HIVEP3: variants seen among roughly 807,000 people sequenced by gnomAD.
HIVEP3 encodes transcription factor HIVEP3.
In HIVEP3, 49 loss-of-function variants were observed where a neutral mutation model predicts 152.8. The observed-to-expected ratio is 0.32, with a 90% CI of 0.26 to 0.41. The LOEUF is 0.41. HIVEP3 is among the 10% of genes least tolerant of loss of function. HIVEP3 has a pLI of 1.00. For missense variants in HIVEP3, 2,790 were observed against 3,103.3 expected (o/e 0.90, Z 2.40); for synonymous variants, 1,269 against 1,289.0 (o/e 0.98, Z 0.33).
In HIVEP3 at chr1:41,972,227, C is replaced by T. The variant is rs150627921; in HGVS notation, n.120-53703G>A. 1.4e-3 allele frequency among the ~76,000 whole-genome samples: 220 copies of T among 152,306 alleles called. 1 individual carries two copies. The highest frequency in any genetic ancestry group is 0.014 in the Middle Eastern group (4 of 294). ...AGCCCAATGACCATTTCATCTATGA[C>T]GTCTTTCCACCTCCCCTCTGCTATA... On this transcript the variant is annotated intron_variant and non_coding_transcript_variant, in intron 1 of 3. Coordinates refer to the HIVEP3 transcript ENST00000489103.
intron 2 of HIVEP3, among the ~76,000 whole-genome samples, chr1:41,682,624 C>T (rs192157138): frequency 8.7e-4 from 133 of 152,140 alleles, no homozygotes; most frequent in Admixed American, 1.4e-3. Context: ...AAACTGACGC[C>T]CAGCCGGGGA....
intron 2 of HIVEP3, among the ~76,000 whole-genome samples, chr1:41,686,257 A>G (rs1177888415): frequency 3.3e-5 from 5 of 152,028 alleles, no homozygotes; most frequent in Admixed American, 2.0e-4. Context: ...TATTTTTAGT[A>G]GAGATGGGGT....
At chr1:41,520,144 T>A (rs1190800944) in intron 6 of HIVEP3, among the ~76,000 whole-genome samples, 1 of 152,196 alleles carries the variant, frequency 6.6e-6, no homozygotes, top group African/African-American at 2.4e-5. Flanking sequence ...ATGGATGAAC[T>A]GAAGGGTGCT....
chr1:41,964,591 G>A (rs902701426), intron 1 of HIVEP3, among the ~76,000 whole-genome samples: 4 of 152,192 alleles, frequency 2.6e-5, no homozygotes, highest in African/African-American at 7.2e-5. Context: ...CACTGGTGCC[G>A]GGGAGACTGG....
chr1:41,885,204 C>T (rs1269734244), intron 1 of HIVEP3, among the ~76,000 whole-genome samples: 1 of 152,120 alleles, frequency 6.6e-6, no homozygotes, highest in Non-Finnish European at 1.5e-5. Context: ...GAAAAAATAC[C>T]AAGTTCTGAC....
chr1:41,763,150 C>G, intron 1 of HIVEP3, among the ~76,000 whole-genome samples: 1 of 152,218 alleles, frequency 6.6e-6, no homozygotes, highest in East Asian at 1.9e-4. Flanking sequence ...ACAAAGGGGT[C>G]AGAGACCCTC....
At chr1:41,896,107 C>T (rs1189356774) in intron 1 of HIVEP3, among the ~76,000 whole-genome samples, 1 of 152,168 alleles carries the variant, frequency 6.6e-6, no homozygotes, top group African/African-American at 2.4e-5. Context: ...AGCCAGGCTT[C>T]CTAGGTGCGA....
intron 1 of HIVEP3, among the ~76,000 whole-genome samples, chr1:41,798,364 C>T: frequency 6.6e-6 from 1 of 151,872 alleles, no homozygotes; most frequent in Non-Finnish European, 1.5e-5. Flanking sequence ...TTGTCAGCAC[C>T]ATTGAGTTCC....
chr1:41,834,045 T>C (rs1447690500), intron 1 of HIVEP3, among the ~76,000 whole-genome samples: 1 of 152,104 alleles, frequency 6.6e-6, no homozygotes, highest in Non-Finnish European at 1.5e-5. Context: ...ATCCCCAGCA[T>C]GGTCACAGAA....
In HIVEP3 at chr1:41,607,690, G is replaced by A. The variant is rs947470275; in HGVS notation, c.-522+21059C>T. Among the ~76,000 whole-genome samples, 4 of 152,088 alleles carry A rather than the reference G, an allele frequency of 2.6e-5. No individual in the cohort carries two copies. The East Asian group carries it at 7.7e-4, about 29-fold the overall frequency. ...TTGGTTATCCAATATATTTATGAAT[G>A]AGGGATTATGTTGTAAAGTTAGGAT... is the stretch of plus-strand genomic sequence containing the variant. On this transcript the variant is annotated intron_variant, in intron 3 of 8. Coordinates refer to ENST00000372583, the MANE Select transcript of HIVEP3 (RefSeq NM_024503.5).
intron 5 of HIVEP3, among the ~76,000 whole-genome samples, chr1:41,572,902 A>G (rs752530110): frequency 5.6e-4 from 85 of 152,356 alleles, no homozygotes; most frequent in Non-Finnish European, 1.0e-3. Flanking sequence ...CATGAGCACT[A>G]TATCTACCAA....
At chr1:42,003,912 G>A (rs868022641) in intron 1 of HIVEP3, among the ~76,000 whole-genome samples, 5 of 152,088 alleles carry the variant, frequency 3.3e-5, no homozygotes, top group South Asian at 2.1e-4. Flanking sequence ...TAAATGTGTC[G>A]TTTTTCTGTC....
chr1:41,843,014 A>T (rs1643333873), intron 1 of HIVEP3, among the ~76,000 whole-genome samples: 1 of 152,182 alleles, frequency 6.6e-6, no homozygotes, highest in Non-Finnish European at 1.5e-5. Context: ...TGTACCCTGG[A>T]AATTGTTGCT....
At chr1:41,711,129 C>T (rs1361887777) in intron 1 of HIVEP3, among the ~76,000 whole-genome samples, 1 of 152,232 alleles carries the variant, frequency 6.6e-6, no homozygotes, top group Non-Finnish European at 1.5e-5. Flanking sequence ...CCCTCCCTTC[C>T]CTTTGCGCAC....
At chr1:41,775,833 A>G (rs944175224) in intron 1 of HIVEP3, among the ~76,000 whole-genome samples, 3 of 152,140 alleles carry the variant, frequency 2.0e-5, no homozygotes, top group Non-Finnish European at 4.4e-5. Flanking sequence ...CCATGATTTC[A>G]TGGATTCACT....
In HIVEP3 at chr1:41,623,135, C is replaced by T. The variant is rs1012821620; in HGVS notation, c.-522+5614G>A. On this transcript the variant is annotated intron_variant, in intron 3 of 8. Transcript: ENST00000372583. ...GCATGTTTTTGGCAACAGATCCCTT[C>T]GAGCCTCCCTGGGAATACACAGAAC... Among the ~76,000 whole-genome samples, 19 of 152,300 alleles carry T rather than the reference C, an allele frequency of 1.2e-4. 1 individual carries two copies. Among genetic ancestry groups the T allele is most frequent in the East Asian group, 9.7e-4 (5 of 5,168 alleles).
At chr1:41,888,716 C>G (rs956991121) in intron 1 of HIVEP3, among the ~76,000 whole-genome samples, 12 of 124,722 alleles carry the variant, frequency 9.6e-5, no homozygotes, top group Non-Finnish European at 1.8e-4. Context: ...TCACACCCCC[C>G]ACACACATAC....
intron 1 of HIVEP3, among the ~76,000 whole-genome samples, chr1:42,021,426 G>A (rs562629325): frequency 1.3e-5 from 2 of 152,232 alleles, no homozygotes; most frequent in Admixed American, 6.5e-5. Context: ...GGACAATGCT[G>A]CCATTTTATG....
rs146031696 is a variant in HIVEP3, at chr1:41,863,644, C to A, written c.-801+54769G>T. On this transcript the variant is annotated intron_variant, in intron 1 of 8. Transcript: ENST00000372583. ...TCTGGTTCTCCAGCGGAGGTGCGGG[C>A]AGCACATGTGCATGAGTTCGTCAAA... Among the ~76,000 whole-genome samples, 37 of 152,312 alleles carry A rather than the reference C, an allele frequency of 2.4e-4. No homozygotes were observed. The East Asian group carries it at 7.0e-3, about 29-fold the overall frequency.
Sources: gnomAD v4.1 joint callset for allele counts (sites outside exome capture counted in the v4.1 genomes callset) on GRCh38, gnomAD v4.1.1 for gene constraint, MANE v1.5 for transcripts, NCBI Gene and HGNC (gene_info 2026-07-23, HGNC 2026-07-21) for gene names.